The following FANCD2 variants were observed in gnomAD, a reference collection of about 807,000 sequenced individuals.
FANCD2 encodes the protein Fanconi anemia group D2 protein.
FANCD2 carries 131 observed loss-of-function variants against 192.3 expected under a neutral mutation model. The observed-to-expected ratio is 0.68, with a 90% confidence interval of 0.59 to 0.79. The LOEUF (loss-of-function observed/expected upper bound fraction) is 0.79. FANCD2 is among the 30% of genes least tolerant of loss of function. The probability of loss-of-function intolerance (pLI) is 0.00; values close to 1 mark genes in which losing one functional copy is unlikely to be tolerated. For synonymous variants in FANCD2, 524 were observed against 612.5 expected, an observed-to-expected ratio of 0.86 and a Z score of 2.13; for missense variants, 1,508 against 1,701.6, an observed-to-expected ratio of 0.89 and a Z score of 2.00.
chr3:10,062,560 T>C (rs979664528), intron 20 of FANCD2, among the ~76,000 whole-genome samples: 12 of 151,788 alleles, frequency 7.9e-5, no homozygotes, highest in African/African-American at 2.2e-4. Context: ...ATAATGTGAT[T>C]GGATATGTTT....
intron 14 of FANCD2, among the ~76,000 whole-genome samples, chr3:10,045,269 C>T (rs563114815): frequency 1.4e-4 from 22 of 151,736 alleles, no homozygotes; most frequent in East Asian, 9.8e-4. Flanking sequence ...CCTGGGTTCA[C>T]GCCATTCTCC....
At chr3:10,057,946 T>C in intron 18 of FANCD2, 1 of 315,696 alleles carries the variant, frequency 3.2e-6, no homozygotes, top group Non-Finnish European at 6.4e-6. Context: ...ATATTTGTTT[T>C]GTAATAAATA....
intron 43 of FANCD2, chr3:10,099,471 AAAAT>A: frequency 2.6e-6 from 1 of 383,186 alleles, no homozygotes; most frequent in Non-Finnish European, 3.8e-6. Context: ...AAAAAAATGA[AAAAT>A]AAACCTGGGT....
chr3:10,036,967 C>G (rs1336683826), intron 7 of FANCD2, among the ~76,000 whole-genome samples: 1 of 151,570 alleles, frequency 6.6e-6, no homozygotes, highest in Non-Finnish European at 1.5e-5. Flanking sequence ...TCATGAGTGC[C>G]TGGGACTACA....
Position 10,035,030 on chromosome 3 carries a change from A to G in FANCD2, c.378-143A>G, listed in dbSNP as rs536855404. On this transcript the variant is annotated intron_variant, in intron 5 of 43. Coordinates refer to ENST00000675286, the MANE Select transcript of FANCD2 (RefSeq NM_001018115.3). ...CTCTACCTCTCCCTTGCAAAGAGCCATCTGCTCATTTCTGTATTTCTTGTC... is the reference window on the plus strand; with the variant it reads ...CTCTACCTCTCCCTTGCAAAGAGCCGTCTGCTCATTTCTGTATTTCTTGTC... 6.7e-6 allele frequency: 5 copies of G among 741,596 alleles called. No individual in the cohort carries two copies. The Admixed American group carries it at 9.4e-5, about 14-fold the overall frequency. 45.9% of individuals were successfully genotyped at this position (741,596 alleles called of 1,614,324 possible).
chr3:10,069,470 TCCCC>T (rs1491407342), intron 26 of FANCD2, among the ~76,000 whole-genome samples: 24 of 78,070 alleles, frequency 3.1e-4, no homozygotes, highest in African/African-American at 1.6e-3. Context: ...CCTCTCCCCC[TCCCC>T]CTCCCCCTCC....
At chr3:10,049,633 T>C (rs1436817782) in intron 17 of FANCD2, 128 bp downstream of exon 17, 26 of 928,760 alleles carry the variant, frequency 2.8e-5, no homozygotes, top group Non-Finnish European at 4.0e-5. Flanking sequence ...TGTTAATTCA[T>C]TCAGCAAACA....
chr3:10,052,899 G>T (rs1438769394), intron 18 of FANCD2, among the ~76,000 whole-genome samples: 2 of 136,130 alleles, frequency 1.5e-5, no homozygotes, highest in African/African-American at 5.8e-5. Flanking sequence ...AGAGGATGTG[G>T]AGAAATAGGA....
chr3:10,077,951 T>C (rs1693624087), intron 29 of FANCD2, 130 bp from the exon 30 acceptor site: 1 of 750,530 alleles, frequency 1.3e-6, no homozygotes, highest in Non-Finnish European at 2.5e-6. Flanking sequence ...GGAGGATAAC[T>C]TGGGCCCAGG....
chr3:10,055,656 CA>C (rs2087387379), intron 18 of FANCD2, among the ~76,000 whole-genome samples: 1 of 151,758 alleles, frequency 6.6e-6, no homozygotes, highest in Non-Finnish European at 1.5e-5. Flanking sequence ...ACTAAAAATA[CA>C]AAAAATTAGC....
intron 17 of FANCD2, 80 bp downstream of exon 17, chr3:10,049,585 G>T: frequency 7.6e-7 from 1 of 1,312,014 alleles, no homozygotes; most frequent in Non-Finnish European, 1.1e-6. Context: ...GAGATGATGG[G>T]CAAGTAATAT....
intron 14 of FANCD2, among the ~76,000 whole-genome samples, chr3:10,045,895 T>G (rs2086992393): frequency 6.6e-6 from 1 of 151,990 alleles, no homozygotes; most frequent in South Asian, 2.1e-4. Flanking sequence ...CCACCGTGCC[T>G]GGCCTAGTAA....
At position 10,098,980 on chromosome 3, in the gene FANCD2, C is replaced by A. The variant is rs1294397833; in HGVS notation, c.4281+165C>A. 8 of 1,614,068 alleles carry A rather than the reference C, an allele frequency of 5.0e-6. No individual in the cohort carries two copies. In the South Asian group the frequency reaches 8.8e-5, roughly 18 times the overall value. Reference sequence around the variant, plus strand: ...TTCTGTGCTTATATAATTTTTGGGACCCAGAAGAAACAACGACACAATCTT... The same window carrying A: ...TTCTGTGCTTATATAATTTTTGGGAACCAGAAGAAACAACGACACAATCTT... On this transcript the variant is annotated intron_variant, in intron 43 of 43. Coordinates refer to ENST00000675286, the MANE Select transcript of FANCD2 (RefSeq NM_001018115.3).
At chr3:10,096,733 G>GC (rs1694989236) in intron 42 of FANCD2, among the ~76,000 whole-genome samples, 1 of 152,176 alleles carries the variant, frequency 6.6e-6, no homozygotes, top group Non-Finnish European at 1.5e-5. Flanking sequence ...AGTCAGACCA[G>GC]TACAAACCTC....
chr3:10,051,628 C>T (rs2087222352), intron 17 of FANCD2, among the ~76,000 whole-genome samples: 1 of 151,940 alleles, frequency 6.6e-6, no homozygotes, highest in African/African-American at 2.4e-5. Flanking sequence ...AAAAAAGTAG[C>T]TTGAGAAAGA....
intron 7 of FANCD2, among the ~76,000 whole-genome samples, chr3:10,037,885 C>A (rs2086770211): frequency 6.6e-6 from 1 of 152,284 alleles, no homozygotes; most frequent in Non-Finnish European, 1.5e-5. Context: ...TACACACATA[C>A]ACATATGTAT....
intron 18 of FANCD2, among the ~76,000 whole-genome samples, chr3:10,054,396 CGTAT>C (rs557503450): frequency 2.1e-3 from 163 of 78,976 alleles, no homozygotes; most frequent in African/African-American, 7.3e-3. Context: ...TATGTATATA[CGTAT>C]ATGTATATAC....
At position 10,095,275 on chromosome 3, in the gene FANCD2, G is replaced by C. The variant is rs767563088; in HGVS notation, c.4038+1G>C. On this transcript the variant is annotated splice_donor_variant, in intron 41 of 43. Coordinates refer to ENST00000675286, the MANE Select transcript of FANCD2 (RefSeq NM_001018115.3). LOFTEE classifies it high-confidence loss of function. ...TCATCACCTGTGTGGGCATTCCAAG[G>C]TAAGAAGGGGAGCAGGTTCTATCAG... 6.2e-7 allele frequency: 1 copy of C among 1,613,858 alleles called. No homozygotes were observed. The highest frequency in any genetic ancestry group is 1.7e-5 in the Admixed American group (1 of 60,008).
Position 10,049,394 on chromosome 3 carries a change from G to A in FANCD2, c.1434G>A (p.Val478=), listed in dbSNP as rs2087128744. ...TATAGGAAGTGGTTGGTGCCTTAGT[G>A]ACCCATATCTGCAGTGGGAATGAAG... The part of the protein sequence containing the change: ...YCQQEVVGAL[V]THICSGNEAE... The change falls in exon 17 of 44, where the codon GTG becomes GTA. Residue 478 remains valine, a synonymous_variant. Coordinates refer to ENST00000675286, the MANE Select transcript of FANCD2 (RefSeq NM_001018115.3). 1.2e-6 allele frequency: 2 copies of A among 1,611,872 alleles called. No homozygotes were observed. Among genetic ancestry groups the A allele is most frequent in the East Asian group, 4.5e-5 (2 of 44,870 alleles).
Sources: allele counts gnomAD v4.1 joint callset (sites outside exome capture counted in the v4.1 genomes callset), GRCh38; gene constraint gnomAD v4.1.1; transcripts MANE v1.5; gene names NCBI Gene and HGNC (gene_info 2026-07-23, HGNC 2026-07-21).